Variants in ADGRF5 observed in about 807,000 individuals in gnomAD.
ADGRF5 encodes G-protein coupled receptor 116.
In ADGRF5, 75 loss-of-function variants were observed where a neutral mutation model predicts 132.3. That is an observed-to-expected ratio of 0.57 (90% CI 0.47 to 0.69). The LOEUF (loss-of-function observed/expected upper bound fraction) is 0.69, where lower values mean the gene tolerates loss of function less well. Among genes scored for constraint, ADGRF5 ranks in the 30% least tolerant of loss-of-function variants. ADGRF5 has a pLI of 0.00. For missense variants in ADGRF5, 1,516 were observed against 1,630.6 expected, an observed-to-expected ratio of 0.93 and a Z score of 1.21; for synonymous variants, 629 against 597.6, an observed-to-expected ratio of 1.05 and a Z score of -0.77.
At chr6:46,871,769 G>T in intron 11 of ADGRF5, 74 bp downstream of exon 11, 1 of 1,050,798 alleles carries the variant, frequency 9.5e-7, no homozygotes, top group Non-Finnish European at 1.4e-6. Context: ...TATTTCCATA[G>T]CTCACAGATC....
At chr6:46,856,679 T>C (rs1487641091) in intron 19 of ADGRF5, 39 bp downstream of exon 19, 1 of 1,089,182 alleles carries the variant, frequency 9.2e-7, no homozygotes, top group Non-Finnish European at 1.4e-6. Flanking sequence ...GAATACATGA[T>C]GTTATAAAAT....
intron 10 of ADGRF5, among the ~76,000 whole-genome samples, chr6:46,873,319 G>A (rs1449134276): frequency 6.6e-6 from 1 of 151,832 alleles, no homozygotes; most frequent in Non-Finnish European, 1.5e-5. Context: ...TTTCACTCCC[G>A]TTTCTCATCA....
Position 46,941,448 on chromosome 6 carries a change from AAAGAAAAG to A in ADGRF5, c.-25+13278_-25+13285del, listed in dbSNP as rs1420532807. Reference sequence around the variant, plus strand: ...AAAGAAAAGAAAAGAAAAGAAAAGAAAAGAAAAGAAAAGAAAAGAAAGAAAAGAAAAGA... The same window carrying A: ...AAAGAAAAGAAAAGAAAAGAAAAGAAAAAAGAAAAGAAAGAAAAGAAAAGA... On this transcript the variant is annotated intron_variant, in intron 1 of 20. Coordinates refer to the ADGRF5 transcript ENST00000265417. 6.4e-3 allele frequency among the ~76,000 whole-genome samples: 265 copies of A among 41,524 alleles called. 1 individual carries two copies. Among genetic ancestry groups the A allele is most frequent in the African/African-American group, 0.018 (253 of 14,424 alleles). 27.2% of individuals were successfully genotyped at this position (41,524 alleles called of 152,430 possible).
At chr6:46,873,442 T>G (rs1184305740) in intron 10 of ADGRF5, among the ~76,000 whole-genome samples, 1 of 152,162 alleles carries the variant, frequency 6.6e-6, no homozygotes, top group Non-Finnish European at 1.5e-5. Context: ...CTACTTTGAC[T>G]GCAGCATCCC....
In ADGRF5 at chr6:46,888,265, C is replaced by T; in HGVS notation, c.328+70G>A. On this transcript the variant is annotated intron_variant, in intron 4 of 20. Transcript: ENST00000283296. Reference sequence around the variant, plus strand: ...TACTAAGTAAAAGATTGCTCTGATACTCAGGAGCTCAGACAGTCTGTCTCA... The same window carrying T: ...TACTAAGTAAAAGATTGCTCTGATATTCAGGAGCTCAGACAGTCTGTCTCA... The T allele has an allele frequency of 4.5e-6, 5 of 1,108,148 alleles. No homozygotes were observed. In the South Asian group the frequency reaches 5.4e-5, roughly 12 times the overall value. 68.6% of individuals were successfully genotyped at this position (1,108,148 alleles called of 1,614,324 possible). A position where few individuals can be genotyped will look rare whatever the true frequency, so the allele number is the denominator to read the frequency against.
chr6:46,913,250 C>A (rs1776123138), intron 1 of ADGRF5, among the ~76,000 whole-genome samples: 3 of 152,114 alleles, frequency 2.0e-5, no homozygotes, highest in Admixed American at 6.5e-5. Flanking sequence ...TTAATCCCAG[C>A]ACTTTGGAAG....
chr6:46,918,278 A>G (rs2150920525), intron 1 of ADGRF5, among the ~76,000 whole-genome samples: 1 of 152,328 alleles, frequency 6.6e-6, no homozygotes, highest in East Asian at 1.9e-4. Flanking sequence ...GTCCTGGGGA[A>G]ACTGAGATAA....
chr6:46,927,071 C>G (rs1456498160), intron 1 of ADGRF5, among the ~76,000 whole-genome samples: 1 of 152,130 alleles, frequency 6.6e-6, no homozygotes, highest in Non-Finnish European at 1.5e-5. Flanking sequence ...AATACCATCT[C>G]CCATCCAAAT....
At chr6:46,932,732 A>G (rs756316087) in intron 1 of ADGRF5, among the ~76,000 whole-genome samples, 1 of 152,190 alleles carries the variant, frequency 6.6e-6, no homozygotes, top group Admixed American at 6.5e-5. Flanking sequence ...GGTGAAAATT[A>G]CCACCCTCAA....
chr6:46,856,099 G>A, intron 19 of ADGRF5, 41 bp from the exon 20 acceptor site: 2 of 1,162,504 alleles, frequency 1.7e-6, no homozygotes. Context: ...AAGCAAATTT[G>A]TGGGACCAAA....
chr6:46,914,621 C>T (rs994289038), intron 1 of ADGRF5, among the ~76,000 whole-genome samples: 5 of 151,888 alleles, frequency 3.3e-5, no homozygotes, highest in East Asian at 1.9e-4. Context: ...ACCTTTTATC[C>T]CTCTTTTCTT....
upstream of ADGRF5, among the ~76,000 whole-genome samples, chr6:46,926,428 T>C (rs1000849088): frequency 1.3e-5 from 2 of 152,096 alleles, no homozygotes; most frequent in East Asian, 3.9e-4. Context: ...ATTCTACTCT[T>C]AGCACTACCC....
Position 46,893,432 on chromosome 6 carries a change from C to T in ADGRF5, c.158-4927G>A, listed in dbSNP as rs139735113. Among the ~76,000 whole-genome samples the T allele has an allele frequency of 2.2e-4, 34 of 152,248 alleles. No individual in the cohort carries two copies. In the Middle Eastern group the frequency reaches 0.01, roughly 46 times the overall value. ...CCTAAGGAGCAGCTTAGATGCTCAG[C>T]GATCAGCGTGACCCACATAGCGGTG... On this transcript the variant is annotated intron_variant, in intron 3 of 20. Transcript: ENST00000283296.
chr6:46,887,426 T>G (rs553556549), intron 4 of ADGRF5, among the ~76,000 whole-genome samples: 3 of 152,210 alleles, frequency 2.0e-5, no homozygotes. Flanking sequence ...GGACTCATAA[T>G]GCACATTGGC....
intron 1 of ADGRF5, among the ~76,000 whole-genome samples, chr6:46,916,225 C>G (rs997701011): frequency 2.6e-5 from 4 of 152,232 alleles, no homozygotes; most frequent in African/African-American, 7.2e-5. Flanking sequence ...TCTCTTTCCT[C>G]TGCATGCCTA....
At chr6:46,909,300 A>G (rs1775699382) in intron 1 of ADGRF5, among the ~76,000 whole-genome samples, 1 of 152,222 alleles carries the variant, frequency 6.6e-6, no homozygotes, top group Non-Finnish European at 1.5e-5. Flanking sequence ...AAACAGAGGC[A>G]GAGAAAGAAA....
At chr6:46,899,419 C>A (rs2150879399) in intron 3 of ADGRF5, among the ~76,000 whole-genome samples, 1 of 152,212 alleles carries the variant, frequency 6.6e-6, no homozygotes, top group Non-Finnish European at 1.5e-5. Context: ...CCTGGGAATA[C>A]CCAGCCTGCG....
At chr6:46,911,263 T>C (rs1234120) in intron 1 of ADGRF5, among the ~76,000 whole-genome samples, 140,345 of 152,304 alleles carry the variant, frequency 0.92, 64,767 homozygotes, top group African/African-American at 0.96. Flanking sequence ...TTAGAAGAGT[T>C]AGCATATGTA....
At position 46,883,633 on chromosome 6, in the gene ADGRF5, C is replaced by T; in HGVS notation, c.538G>A (p.Val180Ile). The T allele has an allele frequency of 6.2e-7, 1 of 1,601,676 alleles. No homozygotes were observed. Among genetic ancestry groups the T allele is most frequent in the Non-Finnish European group, 8.5e-7 (1 of 1,174,786 alleles). Residue 180 changes from valine (V) to isoleucine (I), a missense_variant, in exon 6 of 21, where the codon GTA (valine) becomes ATA (isoleucine). By Grantham distance (29) the Val-to-Ile change is conservative. This residue lies in a region of ADGRF5 where 945 missense variants were observed against 929.4 expected (regional missense o/e 1.02). Coordinates refer to ENST00000283296, the MANE Select transcript of ADGRF5 (RefSeq NM_001098518.2). ...VTLNMRVRLN[V>I]GFQEDLMNTS... ...TTCATGAGGTCTTCTTGAAAGCCTA[C>T]ATTTAGTCTGACTCTCATGTTCAGG...
Sources: gnomAD v4.1 joint callset for allele counts (sites outside exome capture counted in the v4.1 genomes callset) on GRCh38, gnomAD v4.1.1 for gene constraint, gnomAD v4.1.1 regional missense constraint, MANE v1.5 for transcripts, NCBI Gene and HGNC (gene_info 2026-07-23, HGNC 2026-07-21) for gene names.